The following CCNJL variants were observed in gnomAD, a reference collection of about 807,000 sequenced individuals.
CCNJL encodes cyclin J like.
Under a neutral mutation model 33.4 loss-of-function variants are expected in CCNJL, and 33 were observed. The observed-to-expected ratio is 0.99, with a 90% confidence interval of 0.75 to 1.32. The LOEUF (loss-of-function observed/expected upper bound fraction) is 1.32, where lower values mean the gene tolerates loss of function less well. CCNJL is among the 40% of genes most tolerant of loss of function. CCNJL has a pLI of 0.00. For synonymous variants in CCNJL, 227 were observed against 220.9 expected (o/e 1.03, Z -0.24); for missense variants, 512 against 499.7 (o/e 1.02, Z -0.23).
intron 2 of CCNJL, among the ~76,000 whole-genome samples, chr5:160,302,591 C>G (rs1762957408): frequency 6.6e-6 from 1 of 152,098 alleles, no homozygotes; most frequent in Non-Finnish European, 1.5e-5. Flanking sequence ...ATGGGCGGAT[C>G]ACTTGAGGTC....
chr5:160,306,669 A>G (rs1246347778), intron 2 of CCNJL, among the ~76,000 whole-genome samples: 2 of 152,206 alleles, frequency 1.3e-5, no homozygotes, highest in Non-Finnish European at 2.9e-5. Context: ...GCTTACTAAC[A>G]TAACTATTTC....
upstream of CCNJL, among the ~76,000 whole-genome samples, chr5:160,316,763 G>A (rs1763385679): frequency 1.3e-5 from 2 of 152,158 alleles, no homozygotes; most frequent in Admixed American, 1.3e-4. Flanking sequence ...TTATGGCAGT[G>A]CCCAAAGAAC....
intron 1 of CCNJL, among the ~76,000 whole-genome samples, chr5:160,335,237 T>C (rs905057443): frequency 6.6e-6 from 1 of 152,230 alleles, no homozygotes; most frequent in African/African-American, 2.4e-5. Context: ...TACTCCAGCC[T>C]GGGCAAGAGA....
intron 1 of CCNJL, among the ~76,000 whole-genome samples, chr5:160,336,535 G>A (rs1181156844): frequency 6.6e-6 from 1 of 152,214 alleles, no homozygotes; most frequent in African/African-American, 2.4e-5. Flanking sequence ...ACATGTAGAT[G>A]TCAGACTCTG....
chr5:160,285,042 T>C (rs1284574773), intron 2 of CCNJL, among the ~76,000 whole-genome samples: 1 of 151,988 alleles, frequency 6.6e-6, no homozygotes, highest in Admixed American at 6.6e-5. Flanking sequence ...GTTCAAGAAT[T>C]AGCTGGGCAT....
At chr5:160,311,800 C>G (rs1341836672) in intron 2 of CCNJL, 58 bp downstream of exon 2, 2 of 1,533,492 alleles carry the variant, frequency 1.3e-6, no homozygotes, top group Non-Finnish European at 1.8e-6. Flanking sequence ...AACACGAAGT[C>G]GAGACCGAAG....
chr5:160,256,541 T>C (rs1426454251), intron 4 of CCNJL, among the ~76,000 whole-genome samples: 7 of 152,252 alleles, frequency 4.6e-5, no homozygotes, highest in African/African-American at 1.7e-4. Context: ...AAGCTGGTGC[T>C]AAATATGTGC....
At chr5:160,329,352 T>C (rs1266568235) in intron 1 of CCNJL, among the ~76,000 whole-genome samples, 1 of 136,134 alleles carries the variant, frequency 7.3e-6, no homozygotes, top group Non-Finnish European at 1.6e-5. Flanking sequence ...GAAGTCTTCT[T>C]TTTTTTTTTT....
At chr5:160,254,666 G>A (rs1001458023) in intron 5 of CCNJL, 1 of 255,924 alleles carries the variant, frequency 3.9e-6, no homozygotes, top group Non-Finnish European at 7.3e-6. Context: ...GAACTGGACA[G>A]TGTGTGCCTA....
At chr5:160,307,353 G>A (rs1039420185) in intron 2 of CCNJL, among the ~76,000 whole-genome samples, 3 of 152,170 alleles carry the variant, frequency 2.0e-5, no homozygotes, top group Non-Finnish European at 4.4e-5. Flanking sequence ...CAAGGATGAG[G>A]GTGGGGCCAG....
chr5:160,321,030 CTTTCTTTCTTTCTTTCTTTCTT>C, intron 1 of CCNJL, among the ~76,000 whole-genome samples: 1 of 41,502 alleles, frequency 2.4e-5, no homozygotes, highest in Admixed American at 2.6e-4. Flanking sequence ...TTCTTTCTTT[CTTTCTTTCTTTCTTTCTTTCTT>C]TCTTTCTTTC....
intron 3 of CCNJL, among the ~76,000 whole-genome samples, chr5:160,262,579 G>GC (rs1223542378): frequency 6.6e-6 from 1 of 152,182 alleles, no homozygotes; most frequent in Non-Finnish European, 1.5e-5. Context: ...TGCTTCACAA[G>GC]CCCCCGGCAC....
At chr5:160,292,135 C>G (rs72812247) in intron 2 of CCNJL, among the ~76,000 whole-genome samples, 2 of 152,016 alleles carry the variant, frequency 1.3e-5, no homozygotes, top group African/African-American at 2.4e-5. Flanking sequence ...CTTGGTAGAC[C>G]GAGGCACACA....
At chr5:160,279,526 G>C (rs956415367) in intron 3 of CCNJL, among the ~76,000 whole-genome samples, 2 of 152,214 alleles carry the variant, frequency 1.3e-5, no homozygotes, top group African/African-American at 4.8e-5. Flanking sequence ...TATCCATGGG[G>C]GGTGGTGGTT....
intron 2 of CCNJL, 115 bp from the exon 3 acceptor site, chr5:160,280,853 C>G: frequency 1.3e-6 from 1 of 764,218 alleles, no homozygotes; most frequent in Non-Finnish European, 2.3e-6. Flanking sequence ...CCCTCCATAC[C>G]CTTCTTAGTT....
chr5:160,335,915 C>T (rs933288140), intron 1 of CCNJL, among the ~76,000 whole-genome samples: 3 of 152,116 alleles, frequency 2.0e-5, no homozygotes, highest in African/African-American at 7.2e-5. Context: ...TCTTTGGTTT[C>T]CAGCATCACA....
rs890026874 is a variant in CCNJL at position 160,306,292 on chromosome 5, A to G, written c.66+5566T>C. 9.5e-4 allele frequency among the ~76,000 whole-genome samples: 141 copies of G among 147,956 alleles called. 1 individual carries two copies. The highest frequency in any genetic ancestry group is 2.3e-3 in the African/African-American group (92 of 39,178). Reference sequence around the variant, plus strand: ...TCTCAAAAAAAAAAAAAAAAAAAAAAGCGGTCTCACAGAGCTGAAGTCCTC... The same window carrying G: ...TCTCAAAAAAAAAAAAAAAAAAAAAGGCGGTCTCACAGAGCTGAAGTCCTC... On this transcript the variant is annotated intron_variant, in intron 2 of 5. Transcript: ENST00000257536.
intron 1 of CCNJL, among the ~76,000 whole-genome samples, chr5:160,337,279 C>T (rs1256463704): frequency 6.6e-6 from 1 of 151,906 alleles, no homozygotes; most frequent in Non-Finnish European, 1.5e-5. Flanking sequence ...CCTCGCCTCC[C>T]AAAGTGCTGG....
intron 2 of CCNJL, among the ~76,000 whole-genome samples, chr5:160,297,777 G>A (rs1004978601): frequency 5.9e-5 from 9 of 152,106 alleles, no homozygotes; most frequent in Non-Finnish European, 1.3e-4. Context: ...AGAATGACAG[G>A]ACAAATGTGT....
Sources: allele counts gnomAD v4.1 joint callset (sites outside exome capture counted in the v4.1 genomes callset), GRCh38; gene constraint gnomAD v4.1.1; transcripts MANE v1.5; gene names NCBI Gene and HGNC (gene_info 2026-07-23, HGNC 2026-07-21).